CFAP74: variants seen among roughly 807,000 people sequenced by gnomAD.
The protein encoded by CFAP74 is cilia and flagella associated protein 74.
Under a neutral mutation model 188.9 loss-of-function variants are expected in CFAP74, and 124 were observed. The observed-to-expected ratio is 0.66, with a 90% CI of 0.57 to 0.76. The LOEUF is 0.76. Among genes scored for constraint, CFAP74 ranks in the 30% least tolerant of loss-of-function variants. The probability of loss-of-function intolerance (pLI) is 0.00; values close to 1 mark genes in which losing one functional copy is unlikely to be tolerated. For missense variants in CFAP74, 2,198 were observed against 2,165.2 expected, an observed-to-expected ratio of 1.02 and a Z score of -0.30; for synonymous variants, 956 against 916.7, an observed-to-expected ratio of 1.04 and a Z score of -0.77.
In CFAP74 at chr1:1,923,865, G is replaced by A. The variant is rs373301303; in HGVS notation, c.4299C>T (p.Pro1433=). ...SVAPVKGVMD[P]GKTQDFTVTF... is the part of the protein sequence containing the mutation. ...TGACAGTGAAGTCTTGTGTCTTCCCGGGGTCCATGACGCCCTTGACGGGGG... is the reference window on the plus strand; with the variant it reads ...TGACAGTGAAGTCTTGTGTCTTCCCAGGGTCCATGACGCCCTTGACGGGGG... The change falls in exon 35 of 39, where the codon CCC becomes CCT. Residue 1433 remains proline (P), a synonymous_variant. Transcript: ENST00000682832. The surrounding 1 kb of genome is among the most constrained non-coding windows in gnomAD (Gnocchi z 6.3). 27 of 1,613,086 alleles carry A rather than the reference G, an allele frequency of 1.7e-5. No homozygotes were observed. The highest frequency in any genetic ancestry group is 1.6e-4 in the Middle Eastern group (1 of 6,080).
intron 20 of CFAP74, among the ~76,000 whole-genome samples, chr1:1,945,733 C>A (rs1031380945): frequency 1.8e-4 from 27 of 151,340 alleles, no homozygotes; most frequent in African/African-American, 6.3e-4. Context: ...GAGGTTGAGG[C>A]AGGAGGATCA....
At position 1,956,691 on chromosome 1, in the gene CFAP74, C is replaced by T. The variant is rs1281836983; in HGVS notation, c.1945G>A (p.Gly649Ser). Residue 649 changes from glycine to serine, a missense_variant, in exon 17 of 39, where the codon GGC (glycine) becomes AGC (serine). Gly to Ser is a moderately conservative substitution (Grantham distance 56). Coordinates refer to ENST00000682832, the MANE Select transcript of CFAP74 (RefSeq NM_001304360.2). ...TITLTNVGGL[G>S]TTFKFLPASE... ...GCTGGCAGGAACTTGAAAGTCGTGC[C>T]CAAGCCCCCAACGTTGGTCAGCGTG... 1 of 1,614,094 alleles carries T rather than the reference C, an allele frequency of 6.2e-7. No individual in the cohort carries two copies. The highest frequency in any genetic ancestry group is 8.5e-7 in the Non-Finnish European group (1 of 1,179,998).
At chr1:1,949,048 C>T (rs796621989) in intron 18 of CFAP74, among the ~76,000 whole-genome samples, 2 of 91,442 alleles carry the variant, frequency 2.2e-5, no homozygotes, top group Non-Finnish European at 4.3e-5. Context: ...CCTTCCTTCC[C>T]TCCTTTCCTT....
Position 1,979,722 on chromosome 1 carries a change from T to C in CFAP74, c.501-5524A>G, listed in dbSNP as rs546637617. Among the ~76,000 whole-genome samples the C allele has an allele frequency of 5.3e-3, 643 of 120,218 alleles. 100 individuals carry two copies. Among genetic ancestry groups the C allele is most frequent in the African/African-American group, 0.019 (601 of 32,050 alleles). The allele number at this position is 120,218 out of a possible 152,430, so 78.9% of individuals were successfully genotyped here. On this transcript the variant is annotated intron_variant, in intron 6 of 38. Transcript: ENST00000682832. ...GCAGAACACGCATGTCATGCTGAGC[T>C]GGGTGTGGGAAGGCGTCACGTGACG...
chr1:1,992,061 A>G (rs887337640), intron 1 of CFAP74, among the ~76,000 whole-genome samples: 18 of 148,246 alleles, frequency 1.2e-4, no homozygotes, highest in Admixed American at 1.0e-3. Context: ...AATGCCTGAG[A>G]TCAAAACGCT....
rs929027972 is a variant in CFAP74 at position 2,001,455 on chromosome 1, G to A, written c.-20+2246C>T. Among the ~76,000 whole-genome samples, 6 of 151,362 alleles carry A rather than the reference G, an allele frequency of 4.0e-5. No individual in the cohort carries two copies. In the East Asian group the frequency reaches 5.8e-4, roughly 15 times the overall value. On this transcript the variant is annotated intron_variant, in intron 1 of 38. Transcript: ENST00000682832. ...CGCCATTCTCCTGCCTCAGCCTCCCGAGTAGCTGGGACTACAGGCAACCGC... is the reference window on the plus strand; with the variant it reads ...CGCCATTCTCCTGCCTCAGCCTCCCAAGTAGCTGGGACTACAGGCAACCGC...
intron 6 of CFAP74, among the ~76,000 whole-genome samples, chr1:1,976,216 A>G (rs994321224): frequency 4.6e-5 from 7 of 152,168 alleles, no homozygotes; most frequent in African/African-American, 1.7e-4. Context: ...TTTGGTTTGG[A>G]CGCGTGTCCC....
At chr1:1,991,480 A>G (rs909807007) in intron 1 of CFAP74, among the ~76,000 whole-genome samples, 9 of 152,090 alleles carry the variant, frequency 5.9e-5, no homozygotes, top group African/African-American at 1.9e-4. Flanking sequence ...GCGCATGCCT[A>G]TAATCCCAGC....
chr1:1,983,630 G>T (rs1255876430), intron 6 of CFAP74: 1 of 152,272 alleles, frequency 6.6e-6, no homozygotes, highest in East Asian at 1.9e-4. Context: ...GGCACAGGGG[G>T]TCTTGCTGCC....
At chr1:1,941,923 A>C (rs1653401886) in intron 22 of CFAP74, 105 bp downstream of exon 22, 5 of 1,204,372 alleles carry the variant, frequency 4.2e-6, no homozygotes, top group Non-Finnish European at 5.4e-6. Flanking sequence ...GAGGCTGATG[A>C]TCCCGGCAGC....
At chr1:1,955,881 G>A in intron 17 of CFAP74, 31 bp from the exon 18 acceptor site, 1 of 1,589,802 alleles carries the variant, frequency 6.3e-7, no homozygotes. Flanking sequence ...CCTGGCTTGG[G>A]AGGTTTCCCA....
chr1:1,966,365 T>C lies in CFAP74; in HGVS notation c.1401+6A>G. 2 of 1,524,412 alleles carry C rather than the reference T, an allele frequency of 1.3e-6. No homozygotes were observed. The highest frequency in any genetic ancestry group is 8.8e-7 in the Non-Finnish European group (1 of 1,130,016). 94.4% of individuals were successfully genotyped at this position (1,524,412 alleles called of 1,614,324 possible). A position where few individuals can be genotyped will look rare whatever the true frequency, so the allele number is the denominator to read the frequency against. On this transcript the variant is annotated splice_donor_region_variant and intron_variant, in intron 12 of 38. Transcript: ENST00000682832. The stretch of plus-strand genomic sequence containing the variant: ...TGCAAGCGTCTAAAGGAGCAGGAGC[T>C]GATACCTGGTATGGCTTGTAGTCTT...
intron 9 of CFAP74, among the ~76,000 whole-genome samples, chr1:1,971,315 G>C (rs992138499): frequency 1.4e-5 from 2 of 141,608 alleles, no homozygotes; most frequent in African/African-American, 5.3e-5. Context: ...ATGCACACCT[G>C]CAGACACTTG....
chr1:1,953,141 A>T (rs1032853515), intron 18 of CFAP74, among the ~76,000 whole-genome samples: 1 of 152,212 alleles, frequency 6.6e-6, no homozygotes, highest in Non-Finnish European at 1.5e-5. Flanking sequence ...AAAAGAACAA[A>T]GTTGGGTGAC....
intron 1 of CFAP74, among the ~76,000 whole-genome samples, chr1:1,998,678 T>A (rs1210849845): frequency 2.6e-5 from 4 of 151,900 alleles, no homozygotes; most frequent in Non-Finnish European, 5.9e-5. Flanking sequence ...ATCAAGACCA[T>A]CCTGGCTAAC....
chr1:1,957,340 C>T (rs1315346296), intron 16 of CFAP74, among the ~76,000 whole-genome samples: 1 of 152,196 alleles, frequency 6.6e-6, no homozygotes. Context: ...GGCCCAGGGG[C>T]TCCCCACTCT....
Position 1,982,396 on chromosome 1 carries a change from A to G in CFAP74, c.500+2990T>C, listed in dbSNP as rs372665274. Among the ~76,000 whole-genome samples the G allele has an allele frequency of 3.2e-3, 435 of 137,306 alleles. 2 individuals are homozygous for G. The highest frequency in any genetic ancestry group is 0.02 in the Middle Eastern group (4 of 196). The allele number at this position is 137,306 out of a possible 152,430, so 90.1% of individuals were successfully genotyped here. ...AGGAGTCCCAGCTGTGGTCACACGC[A>G]GGGACATGCAGGACACCCCGCCAGG... is the stretch of plus-strand genomic sequence containing the variant. On this transcript the variant is annotated intron_variant, in intron 6 of 38. Coordinates refer to ENST00000682832, the MANE Select transcript of CFAP74 (RefSeq NM_001304360.2).
chr1:1,962,764 G>A (rs1281713023), intron 14 of CFAP74, among the ~76,000 whole-genome samples: 1 of 152,032 alleles, frequency 6.6e-6, no homozygotes, highest in East Asian at 1.9e-4. Context: ...ACACAGCTGT[G>A]GTCCCAGTTA....
At chr1:1,965,503 C>T (rs1655406440) in intron 12 of CFAP74, among the ~76,000 whole-genome samples, 1 of 152,198 alleles carries the variant, frequency 6.6e-6, no homozygotes, top group South Asian at 2.1e-4. Context: ...CTTCCCTGGC[C>T]AACACCAGCA....
Sources: gnomAD v4.1 joint callset for allele counts (sites outside exome capture counted in the v4.1 genomes callset) on GRCh38, gnomAD v4.1.1 for gene constraint, Gnocchi (gnomAD v3.1) non-coding constraint, MANE v1.5 for transcripts, NCBI Gene and HGNC (gene_info 2026-07-23, HGNC 2026-07-21) for gene names.